The following APBA2 variants were observed in gnomAD, a reference collection of about 807,000 sequenced individuals.
APBA2 encodes amyloid-beta A4 precursor protein-binding family A member 2.
In APBA2, 30 loss-of-function variants were observed where a neutral mutation model predicts 75.0. That is an observed-to-expected ratio of 0.40 (90% CI 0.30 to 0.54). The LOEUF (loss-of-function observed/expected upper bound fraction) is 0.54, where lower values mean the gene tolerates loss of function less well. APBA2 is among the 20% of genes least tolerant of loss of function. APBA2 has a pLI of 0.49. For missense variants in APBA2, 801 were observed against 1,016.1 expected (o/e 0.79, Z 2.88); for synonymous variants, 444 against 409.6 (o/e 1.08, Z -1.01).
chr15:29,018,102 G>A (rs995073328), intron 3 of APBA2, among the ~76,000 whole-genome samples: 2 of 152,118 alleles, frequency 1.3e-5, no homozygotes, highest in African/African-American at 4.8e-5. Flanking sequence ...TACCTCTCCC[G>A]GGGGACAGTC....
At chr15:28,959,926 T>C (rs2036375047) in intron 2 of APBA2, among the ~76,000 whole-genome samples, 1 of 152,152 alleles carries the variant, frequency 6.6e-6, no homozygotes, top group Admixed American at 6.5e-5. Flanking sequence ...GGTGGATCAC[T>C]TGAACCCAGG....
intron 3 of APBA2, among the ~76,000 whole-genome samples, chr15:29,020,212 C>A (rs2039881498): frequency 6.6e-6 from 1 of 151,866 alleles, no homozygotes; most frequent in African/African-American, 2.4e-5. Flanking sequence ...TTTAATACAT[C>A]CTGGATGCTC....
chr15:29,093,111 G>A lies in APBA2; in HGVS notation c.1106G>A (p.Gly369Glu), dbSNP rs1473068404. 1 of 1,614,220 alleles carries A rather than the reference G, an allele frequency of 6.2e-7. No individual in the cohort carries two copies. Among genetic ancestry groups the A allele is most frequent in the East Asian group, 2.2e-5 (1 of 44,884 alleles). Residue 369 changes from glycine (G) to glutamate (E), a missense_variant, in exon 7 of 15, where the codon GGG becomes GAG. Gly to Glu is a moderately conservative substitution (Grantham distance 98). This residue lies in a region of APBA2 where 367 missense variants were observed against 544.5 expected (regional missense o/e 0.67). Transcript: ENST00000683413. ...TGCGAACCAGAAGACCTCATCGACG[G>A]GATCATCTTTGCTGCCAATTACCTG... The part of the protein sequence containing the change: ...GPCEPEDLID[G>E]IIFAANYLGS...
chr15:29,052,836 G>C (rs2041668653), intron 3 of APBA2, among the ~76,000 whole-genome samples: 1 of 152,122 alleles, frequency 6.6e-6, no homozygotes, highest in Admixed American at 6.5e-5. Flanking sequence ...GAGAAGGTGA[G>C]GGAGAATGAG....
At chr15:28,957,966 T>TGAAGTCA (rs2036263552) in intron 2 of APBA2, among the ~76,000 whole-genome samples, 1 of 152,188 alleles carries the variant, frequency 6.6e-6, no homozygotes. Context: ...GCGACTGGGT[T>TGAAGTCA]GAAGTCAGAG....
At chr15:28,902,888 G>C (rs1434838590) in intron 1 of APBA2, among the ~76,000 whole-genome samples, 1 of 152,102 alleles carries the variant, frequency 6.6e-6, no homozygotes, top group Admixed American at 6.5e-5. Flanking sequence ...ATGAAAACTG[G>C]GGGGTAAGCT....
In APBA2 at chr15:29,054,704, C is replaced by A. The variant is rs1315035774; in HGVS notation, c.820C>A (p.Pro274Thr). ...CCCACCCATCAAGGCCAGCTGCAGC[C>A]CCAGCAGGCACGAGGCGAGGCCCAA... Reference protein sequence around the residue: ...ACPPIKASCSPSRHEARPKSL... With the variant: ...ACPPIKASCSTSRHEARPKSL... Residue 274 changes from proline to threonine, a missense_variant, in exon 4 of 15, where the codon CCC (proline) becomes ACC (threonine). Pro to Thr is a conservative substitution (Grantham distance 38, BLOSUM62 -1). Transcript: ENST00000683413. This position sits in a 1 kb window ranked among gnomAD's most constrained non-coding sequence, Gnocchi z 6.1. 2 of 1,613,818 alleles carry A rather than the reference C, an allele frequency of 1.2e-6. No homozygotes were observed. Among genetic ancestry groups the A allele is most frequent in the Non-Finnish European group, 1.7e-6 (2 of 1,180,026 alleles).
chr15:28,954,889 C>A (rs1164017520), intron 2 of APBA2, among the ~76,000 whole-genome samples: 1 of 152,148 alleles, frequency 6.6e-6, no homozygotes, highest in Non-Finnish European at 1.5e-5. Flanking sequence ...CATGTGTGTG[C>A]TCTGTGGATT....
intron 4 of APBA2, among the ~76,000 whole-genome samples, chr15:29,062,466 C>T (rs2042171281): frequency 6.6e-6 from 1 of 152,146 alleles, no homozygotes; most frequent in South Asian, 2.1e-4. Flanking sequence ...AGCTTCTGAA[C>T]TTGATGTTCA....
intron 1 of APBA2, among the ~76,000 whole-genome samples, chr15:28,904,129 A>G (rs1354544023): frequency 3.3e-5 from 5 of 152,214 alleles, no homozygotes; most frequent in African/African-American, 7.2e-5. Flanking sequence ...ATATGAATTC[A>G]TTCATTGTAT....
intron 2 of APBA2, among the ~76,000 whole-genome samples, chr15:28,927,449 C>A (rs918091506): frequency 6.6e-6 from 1 of 151,910 alleles, no homozygotes; most frequent in African/African-American, 2.4e-5. Flanking sequence ...TTTTGGCCAT[C>A]ATTACCTCAA....
Position 28,895,783 on chromosome 15 carries a change from A to G in APBA2, c.-205+9505A>G, listed in dbSNP as rs555242115. ...GCCTTTGTTACTTTCATGCGCCATA[A>G]CTGGAAAGGCCTGCTGCTTGTTAGG... is the stretch of plus-strand genomic sequence containing the variant. On this transcript the variant is annotated intron_variant, in intron 1 of 14. Coordinates refer to ENST00000683413, the MANE Select transcript of APBA2 (RefSeq NM_001353788.2). Among the ~76,000 whole-genome samples, 6 of 152,072 alleles carry G rather than the reference A, an allele frequency of 3.9e-5. No homozygotes were observed. The South Asian group carries it at 1.2e-3, about 32-fold the overall frequency.
intron 6 of APBA2, among the ~76,000 whole-genome samples, chr15:29,090,265 C>T (rs148753951): frequency 9.7e-4 from 148 of 152,358 alleles, no homozygotes; most frequent in African/African-American, 3.2e-3. Context: ...AGCAGGCATC[C>T]GTGGGTGCCA....
intron 3 of APBA2, among the ~76,000 whole-genome samples, chr15:29,033,246 C>T (rs990492016): frequency 6.6e-6 from 1 of 152,216 alleles, no homozygotes; most frequent in Non-Finnish European, 1.5e-5. Context: ...CAGCCCTCTC[C>T]TCTTTGATGT....
chr15:28,927,288 T>G lies in APBA2; in HGVS notation c.-95+5539T>G, dbSNP rs1268988577. 2.0e-5 allele frequency among the ~76,000 whole-genome samples: 3 copies of G among 152,160 alleles called. No individual in the cohort carries two copies. In the East Asian group the frequency reaches 5.8e-4, roughly 29 times the overall value. On this transcript the variant is annotated intron_variant, in intron 2 of 14. Coordinates refer to ENST00000683413, the MANE Select transcript of APBA2 (RefSeq NM_001353788.2). ...CCTTAGTCATTTTCTCTGTCTTTGG[T>G]TTTCTGTAGTTCAAATATGGTGTGC...
At position 28,941,648 on chromosome 15, in the gene APBA2, G is replaced by A. The variant is rs547130922; in HGVS notation, c.-95+19899G>A. 3.3e-5 allele frequency among the ~76,000 whole-genome samples: 5 copies of A among 152,366 alleles called. No individual in the cohort carries two copies. The East Asian group carries it at 9.6e-4, about 29-fold the overall frequency. ...TACCCTACAACCAGGATGTGGTCAG[G>A]GGCACACAGGGAGGCTGGGTCCCGA... On this transcript the variant is annotated intron_variant, in intron 2 of 14. Coordinates refer to ENST00000683413, the MANE Select transcript of APBA2 (RefSeq NM_001353788.2).
At chr15:29,098,212 T>G (rs999393271) in intron 8 of APBA2, among the ~76,000 whole-genome samples, 2 of 152,176 alleles carry the variant, frequency 1.3e-5, no homozygotes, top group African/African-American at 4.8e-5. Context: ...TTTGAATTTT[T>G]GGAGGAACCG....
At chr15:29,106,859 C>T in intron 12 of APBA2, 40 bp downstream of exon 12, 1 of 1,575,868 alleles carries the variant, frequency 6.3e-7, no homozygotes, top group Non-Finnish European at 8.7e-7. Flanking sequence ...GTCACCTCAA[C>T]CCTGCCTCAC....
intron 8 of APBA2, among the ~76,000 whole-genome samples, chr15:29,096,950 A>G (rs1199335803): frequency 6.6e-6 from 1 of 152,250 alleles, no homozygotes; most frequent in Non-Finnish European, 1.5e-5. Flanking sequence ...CAGACTCTGA[A>G]GAGTTCACTC....
Sources: gnomAD v4.1 joint callset for allele counts (sites outside exome capture counted in the v4.1 genomes callset) on GRCh38, gnomAD v4.1.1 for gene constraint, gnomAD v4.1.1 regional missense constraint, Gnocchi (gnomAD v3.1) non-coding constraint, MANE v1.5 for transcripts, NCBI Gene and HGNC (gene_info 2026-07-23, HGNC 2026-07-21) for gene names.